The following RAB35 variants were observed in gnomAD, a reference collection of about 807,000 sequenced individuals.
RAB35 encodes the protein RAB35, member RAS oncogene family, also known as ras-related protein Rab-35.
Under a neutral mutation model 28.9 loss-of-function variants are expected in RAB35, and 4 were observed. The observed-to-expected ratio is 0.14, with a 90% CI of 0.07 to 0.32. The LOEUF is 0.32. RAB35 is among the 10% of genes least tolerant of loss of function. The pLI, the probability that RAB35 is intolerant of heterozygous loss-of-function variation, is 1.00. For missense variants in RAB35, 128 were observed against 274.0 expected, an observed-to-expected ratio of 0.47 and a Z score of 3.76; for synonymous variants, 99 against 105.1, an observed-to-expected ratio of 0.94 and a Z score of 0.35.
rs1454766390 is a variant in RAB35 at position 120,097,029 on chromosome 12, G to A, written c.*216C>T. Reference sequence around the variant, plus strand: ...AGGTCCAGGCGCCTTGGCCGGGGAGGAGGGGGCACCAGTAGGGAAGGGCGG... The same window carrying A: ...AGGTCCAGGCGCCTTGGCCGGGGAGAAGGGGGCACCAGTAGGGAAGGGCGG... On this transcript the variant is annotated 3_prime_UTR_variant, in exon 6 of 6. Coordinates refer to ENST00000229340, the MANE Select transcript of RAB35 (RefSeq NM_006861.7). The A allele has an allele frequency of 6.6e-7, 1 of 1,518,522 alleles. No individual in the cohort carries two copies. The highest frequency in any genetic ancestry group is 8.8e-7 in the Non-Finnish European group (1 of 1,136,000). 94.1% of individuals were successfully genotyped at this position (1,518,522 alleles called of 1,614,324 possible).
chr12:120,116,287 C>G (rs1160432006), intron 1 of RAB35, among the ~76,000 whole-genome samples: 1 of 152,170 alleles, frequency 6.6e-6, no homozygotes, highest in East Asian at 1.9e-4. Flanking sequence ...CAGCGCGAGG[C>G]AGGTGGTAGT....
Position 120,096,332 on chromosome 12 carries a change from C to G in RAB35, c.*913G>C, listed in dbSNP as rs947086495. 9.7e-7 allele frequency: 1 copy of G among 1,034,532 alleles called. No homozygotes were observed. Among genetic ancestry groups the G allele is most frequent in the Admixed American group, 3.2e-5 (1 of 31,456 alleles). The allele number at this position is 1,034,532 out of a possible 1,614,324, so 64.1% of individuals were successfully genotyped here. A position where few individuals can be genotyped will look rare whatever the true frequency, so the allele number is the denominator to read the frequency against. ...ACAAGTGGGGTGGCCTCAACTTTTGCTGCTGTGCCAATCAAACCTCAGGGA... is the reference window on the plus strand; with the variant it reads ...ACAAGTGGGGTGGCCTCAACTTTTGGTGCTGTGCCAATCAAACCTCAGGGA... On this transcript the variant is annotated 3_prime_UTR_variant, in exon 6 of 6. Coordinates refer to ENST00000229340, the MANE Select transcript of RAB35 (RefSeq NM_006861.7).
At chr12:120,099,995 A>G (rs1875597147) in intron 3 of RAB35, among the ~76,000 whole-genome samples, 1 of 152,142 alleles carries the variant, frequency 6.6e-6, no homozygotes, top group African/African-American at 2.4e-5. Context: ...CCTCTCCCCA[A>G]AGCCGCAGGG....
intron 2 of RAB35, among the ~76,000 whole-genome samples, chr12:120,107,525 A>G (rs1301333765): frequency 1.3e-5 from 2 of 152,170 alleles, no homozygotes; most frequent in African/African-American, 4.8e-5. Context: ...TTCTCAGTGC[A>G]TACACCCTGT....
At chr12:120,116,522 G>T in intron 1 of RAB35, 77 bp downstream of exon 1, 1 of 698,482 alleles carries the variant, frequency 1.4e-6, no homozygotes, top group African/African-American at 1.9e-5. Context: ...GCACCTCCCC[G>T]CCCGCCTGCC....
At chr12:120,110,663 A>T (rs1015258584) in intron 1 of RAB35, among the ~76,000 whole-genome samples, 1 of 152,132 alleles carries the variant, frequency 6.6e-6, no homozygotes, top group African/African-American at 2.4e-5. Context: ...GCCTAACCCC[A>T]GCATCCTCTC....
In RAB35 at chr12:120,097,295, C is replaced by T. The variant is rs373426549; in HGVS notation, c.556G>A (p.Asp186Asn). 3 of 1,613,842 alleles carry T rather than the reference C, an allele frequency of 1.9e-6. No homozygotes were observed. The highest frequency in any genetic ancestry group is 1.7e-6 in the Non-Finnish European group (2 of 1,180,054). The change falls in exon 6 of 6, where the codon GAT becomes AAT. Residue 186 changes from aspartate (D) to asparagine (N), a missense_variant. Physicochemically the swap from Asp to Asn is conservative, Grantham distance 23 (BLOSUM62 1). Transcript: ENST00000229340. ...CTGTTCTTCGTGAGCTTCACCACAT[C>T]GTTCTGTTGTTGCTGCTGCTGTTTT... ...LAKQQQQQQN[D>N]VVKLTKNSKR...
intron 5 of RAB35, among the ~76,000 whole-genome samples, chr12:120,098,222 T>C (rs1162790023): frequency 1.3e-5 from 2 of 152,240 alleles, no homozygotes; most frequent in African/African-American, 4.8e-5. Flanking sequence ...AAAGTGCCCC[T>C]GCTGTTCACG....
intron 1 of RAB35, among the ~76,000 whole-genome samples, chr12:120,113,247 C>A (rs1415719329): frequency 6.8e-6 from 1 of 146,498 alleles, no homozygotes; most frequent in Non-Finnish European, 1.5e-5. Flanking sequence ...GTTGCTCTCA[C>A]TATGGTCTCG....
chr12:120,113,073 G>A (rs1306460106), intron 1 of RAB35, among the ~76,000 whole-genome samples: 4 of 151,458 alleles, frequency 2.6e-5, no homozygotes, highest in African/African-American at 9.7e-5. Context: ...TGTGTTTTAA[G>A]TAGGGACAGG....
At chr12:120,114,254 C>T (rs1594248132) in intron 1 of RAB35, among the ~76,000 whole-genome samples, 1 of 152,168 alleles carries the variant, frequency 6.6e-6, no homozygotes, top group South Asian at 2.1e-4. Context: ...CCACCATGCC[C>T]GGCTACTTTT....
chr12:120,099,223 GC>G, intron 3 of RAB35, 69 bp from the exon 4 acceptor site: 1 of 1,597,382 alleles, frequency 6.3e-7, no homozygotes, highest in Non-Finnish European at 8.5e-7. Context: ...GGACCCACCT[GC>G]CCACGTCAGG....
chr12:120,098,704 GTTACTATGACA>G, intron 5 of RAB35, 96 bp downstream of exon 5: 1 of 1,486,196 alleles, frequency 6.7e-7, no homozygotes, highest in Non-Finnish European at 9.1e-7. Context: ...ATAAATGGCA[GTTACTATGACA>G]TTTTCTGTTG....
chr12:120,108,584 C>G, intron 1 of RAB35, 117 bp from the exon 2 acceptor site: 2 of 886,708 alleles, frequency 2.3e-6, no homozygotes, highest in Non-Finnish European at 3.7e-6. Flanking sequence ...CGGTGGGACC[C>G]AGCTCACTTC....
chr12:120,100,634 C>A (rs1027700488), intron 3 of RAB35, among the ~76,000 whole-genome samples: 1 of 152,192 alleles, frequency 6.6e-6, no homozygotes, highest in Admixed American at 6.5e-5. Flanking sequence ...CAACCTGCCC[C>A]TGCCACCGCC....
chr12:120,104,201 A>G (rs1240932648), intron 2 of RAB35, among the ~76,000 whole-genome samples: 1 of 152,170 alleles, frequency 6.6e-6, no homozygotes, highest in Non-Finnish European at 1.5e-5. Context: ...AAAGTGACAC[A>G]TAGGAAATAA....
intron 1 of RAB35, among the ~76,000 whole-genome samples, chr12:120,112,890 GAT>G (rs1491470239): frequency 1.4e-5 from 2 of 141,688 alleles, no homozygotes; most frequent in Non-Finnish European, 3.0e-5. Context: ...ACGCCCAACT[GAT>G]TTTTTTTTTT....
At chr12:120,104,965 G>A (rs1039206862) in intron 2 of RAB35, among the ~76,000 whole-genome samples, 9 of 152,158 alleles carry the variant, frequency 5.9e-5, no homozygotes, top group South Asian at 2.1e-4. Flanking sequence ...ATTTCTAGCC[G>A]GTGTAATTGC....
In RAB35 at chr12:120,116,650, T is replaced by TGGCGGGCGGGGGCGGTGCGCGCG. The variant is rs1341907319; in HGVS notation, c.-23_-1dup. On this transcript the variant is annotated 5_prime_UTR_variant, in exon 1 of 6. Transcript: ENST00000229340. ...AAGAGGTGGTCGTAGTCCCGGGCCATGGCGGGCGGGGGCGGTGCGCGCGGG... is the reference window on the plus strand; with the variant it reads ...AAGAGGTGGTCGTAGTCCCGGGCCATGGCGGGCGGGGGCGGTGCGCGCGGGCGGGCGGGGGCGGTGCGCGCGGG... 1 of 1,223,244 alleles carries TGGCGGGCGGGGGCGGTGCGCGCG rather than the reference T, an allele frequency of 8.2e-7. No homozygotes were observed. Among genetic ancestry groups the TGGCGGGCGGGGGCGGTGCGCGCG allele is most frequent in the South Asian group, 4.1e-5 (1 of 24,362 alleles). 75.8% of individuals were successfully genotyped at this position (1,223,244 alleles called of 1,614,324 possible). A position where few individuals can be genotyped will look rare whatever the true frequency, so the allele number is the denominator to read the frequency against.
Sources: gnomAD v4.1 joint callset for allele counts (sites outside exome capture counted in the v4.1 genomes callset) on GRCh38, gnomAD v4.1.1 for gene constraint, MANE v1.5 for transcripts, NCBI Gene and HGNC (gene_info 2026-07-23, HGNC 2026-07-21) for gene names.